The following CACNA2D3 variants were observed in gnomAD, a reference collection of about 807,000 sequenced individuals.
The protein encoded by CACNA2D3 is voltage-dependent calcium channel subunit alpha-2/delta-3.
In CACNA2D3, 60 loss-of-function variants were observed where a neutral mutation model predicts 160.6. The observed-to-expected ratio is 0.37, with a 90% CI of 0.30 to 0.46. The LOEUF (loss-of-function observed/expected upper bound fraction) is 0.46. Ranked by LOEUF, CACNA2D3 falls within the 20% of genes least tolerant of loss-of-function variation. The probability of loss-of-function intolerance (pLI) is 1.00; values close to 1 mark genes in which losing one functional copy is unlikely to be tolerated. For synonymous variants in CACNA2D3, 558 were observed against 492.9 expected (o/e 1.13, Z -1.75); for missense variants, 1,205 against 1,365.0 (o/e 0.88, Z 1.85).
At chr3:54,896,680 C>G (rs887418329) in intron 25 of CACNA2D3, 69 bp from the exon 26 acceptor site, 20 of 1,594,488 alleles carry the variant, frequency 1.3e-5, no homozygotes, top group Admixed American at 8.4e-5. Flanking sequence ...TGAAGGCTGT[C>G]GGGGTGCTCC....
At chr3:54,689,318 T>A (rs1392157881) in intron 11 of CACNA2D3, among the ~76,000 whole-genome samples, 1 of 152,154 alleles carries the variant, frequency 6.6e-6, no homozygotes, top group African/African-American at 2.4e-5. Context: ...GGCACAGTGC[T>A]TATTGCTACT....
At chr3:54,216,770 C>T (rs1701470509) in intron 2 of CACNA2D3, among the ~76,000 whole-genome samples, 1 of 152,114 alleles carries the variant, frequency 6.6e-6, no homozygotes, top group Admixed American at 6.5e-5. Context: ...GACGGGACTC[C>T]TCAGCCAGAA....
At chr3:54,485,891 C>T (rs1701008290) in intron 4 of CACNA2D3, among the ~76,000 whole-genome samples, 1 of 152,144 alleles carries the variant, frequency 6.6e-6, no homozygotes, top group Admixed American at 6.5e-5. Flanking sequence ...GACAGACTAA[C>T]AGTGACCCCC....
At chr3:55,066,580 G>A (rs941765240) in intron 35 of CACNA2D3, among the ~76,000 whole-genome samples, 2 of 152,060 alleles carry the variant, frequency 1.3e-5, no homozygotes, top group Admixed American at 6.5e-5. Context: ...AGCCCCTCTC[G>A]GAAGATAGTG....
intron 2 of CACNA2D3, among the ~76,000 whole-genome samples, chr3:54,314,379 A>G (rs543250573): frequency 1.3e-5 from 2 of 152,326 alleles, no homozygotes; most frequent in Middle Eastern, 3.4e-3. Context: ...GTGTGCAAGT[A>G]TCTTTTTCAT....
chr3:54,301,970 C>G (rs140777590), intron 2 of CACNA2D3, among the ~76,000 whole-genome samples: 146 of 152,294 alleles, frequency 9.6e-4, no homozygotes, highest in African/African-American at 3.4e-3. Flanking sequence ...AAGTACTTCT[C>G]TGAAATTGAA....
At chr3:54,614,079 G>T (rs907569257) in intron 9 of CACNA2D3, among the ~76,000 whole-genome samples, 1 of 152,188 alleles carries the variant, frequency 6.6e-6, no homozygotes, top group African/African-American at 2.4e-5. Flanking sequence ...ACAGCATGTT[G>T]TACTTGGTGG....
At chr3:54,774,799 T>G (rs544917946) in intron 13 of CACNA2D3, among the ~76,000 whole-genome samples, 124 of 151,910 alleles carry the variant, frequency 8.2e-4, no homozygotes, top group African/African-American at 2.9e-3. Context: ...CACACCTGGC[T>G]AACTTTTTGT....
chr3:54,298,327 TTCTAGCACTCACACAG>T (rs1703385600), intron 2 of CACNA2D3, among the ~76,000 whole-genome samples: 1 of 152,234 alleles, frequency 6.6e-6, no homozygotes, highest in South Asian at 2.1e-4. Flanking sequence ...CCAGGATCCT[TTCTAGCACTCACACAG>T]GGCATGTGCC....
chr3:54,535,814 AGGTCACCTGTC>A (rs1245470323), intron 5 of CACNA2D3, among the ~76,000 whole-genome samples: 1 of 152,266 alleles, frequency 6.6e-6, no homozygotes, highest in Non-Finnish European at 1.5e-5. Context: ...CAAGATGGAC[AGGTCACCTGTC>A]GGGAGGCTGA....
At chr3:54,346,093 G>A (rs1321057327) in intron 3 of CACNA2D3, among the ~76,000 whole-genome samples, 1 of 152,162 alleles carries the variant, frequency 6.6e-6, no homozygotes, top group Non-Finnish European at 1.5e-5. Context: ...CCATATCCTG[G>A]CTCAAGATGT....
intron 14 of CACNA2D3, among the ~76,000 whole-genome samples, chr3:54,831,835 A>T (rs752576654): frequency 3.0e-4 from 45 of 152,104 alleles, no homozygotes; most frequent in Admixed American, 8.5e-4. Context: ...AAGAGTTACA[A>T]ATCCATTTCA....
chr3:54,151,946 A>G (rs533916717), intron 2 of CACNA2D3, among the ~76,000 whole-genome samples: 1 of 152,250 alleles, frequency 6.6e-6, no homozygotes, highest in Non-Finnish European at 1.5e-5. Flanking sequence ...AGCTGTTACT[A>G]TTTCAAGCAC....
At chr3:55,061,637 A>G (rs1187020887) in intron 35 of CACNA2D3, among the ~76,000 whole-genome samples, 3 of 152,224 alleles carry the variant, frequency 2.0e-5, no homozygotes, top group Admixed American at 6.5e-5. Context: ...CCCAGCAGGC[A>G]TTTCCTTTCA....
intron 27 of CACNA2D3, among the ~76,000 whole-genome samples, chr3:54,920,300 T>A (rs1700805231): frequency 6.6e-6 from 1 of 152,224 alleles, no homozygotes; most frequent in Admixed American, 6.5e-5. Context: ...AGATAGGGCC[T>A]ATCTTGCAGT....
chr3:54,591,182 C>T (rs1702851547), intron 9 of CACNA2D3, among the ~76,000 whole-genome samples: 1 of 152,290 alleles, frequency 6.6e-6, no homozygotes, highest in South Asian at 2.1e-4. Context: ...TAGAAATTTA[C>T]ATCAGCTTCC....
At chr3:55,018,423 C>T (rs1013829928) in intron 35 of CACNA2D3, 106 bp downstream of exon 35, 13 of 673,912 alleles carry the variant, frequency 1.9e-5, no homozygotes, top group South Asian at 3.4e-5. Flanking sequence ...CAATAGAAAA[C>T]ATGGCTGCCC....
intron 11 of CACNA2D3, among the ~76,000 whole-genome samples, chr3:54,670,775 C>G (rs1165000036): frequency 1.3e-5 from 2 of 152,124 alleles, no homozygotes; most frequent in African/African-American, 4.8e-5. Context: ...AGACACACAC[C>G]CTCAGCCTGG....
chr3:54,443,843 A>G (rs1700180922), intron 4 of CACNA2D3, among the ~76,000 whole-genome samples: 1 of 152,160 alleles, frequency 6.6e-6, no homozygotes, highest in Non-Finnish European at 1.5e-5. Context: ...AGTGACCGCA[A>G]AGTCATCTTT....
Sources: gnomAD v4.1 joint callset for allele counts (sites outside exome capture counted in the v4.1 genomes callset) on GRCh38, gnomAD v4.1.1 for gene constraint, MANE v1.5 for transcripts, NCBI Gene and HGNC (gene_info 2026-07-23, HGNC 2026-07-21) for gene names.